Variants in CACNA1E observed in about 807,000 individuals in gnomAD.
CACNA1E encodes the protein voltage-dependent R-type calcium channel subunit alpha-1E.
A neutral mutation model predicts 259.2 loss-of-function variants in CACNA1E; 40 were observed. That is an observed-to-expected ratio of 0.15 (90% CI 0.12 to 0.20). The LOEUF (loss-of-function observed/expected upper bound fraction) is 0.20, where lower values mean the gene tolerates loss of function less well. Among genes scored for constraint, CACNA1E ranks in the 10% least tolerant of loss-of-function variants. The probability of loss-of-function intolerance (pLI) is 1.00; values close to 1 mark genes in which losing one functional copy is unlikely to be tolerated. For synonymous variants in CACNA1E, 1,104 were observed against 1,138.5 expected, an observed-to-expected ratio of 0.97 and a Z score of 0.61; for missense variants, 1,874 against 3,040.1, an observed-to-expected ratio of 0.62 and a Z score of 9.02.
intron 7 of CACNA1E, among the ~76,000 whole-genome samples, chr1:181,703,276 A>G (rs1652456510): frequency 6.6e-6 from 1 of 152,204 alleles, no homozygotes; most frequent in African/African-American, 2.4e-5. Context: ...AGCACCTACT[A>G]TACCTTGCAC....
At chr1:181,630,857 C>G (rs1350113874) in intron 6 of CACNA1E, among the ~76,000 whole-genome samples, 2 of 152,158 alleles carry the variant, frequency 1.3e-5, no homozygotes, top group Non-Finnish European at 1.5e-5. Flanking sequence ...CAGAGTAAGT[C>G]TATTCTCAGC....
intron 3 of CACNA1E, among the ~76,000 whole-genome samples, chr1:181,512,178 T>A (rs1267927438): frequency 6.6e-6 from 1 of 152,232 alleles, no homozygotes; most frequent in Non-Finnish European, 1.5e-5. Context: ...TGGAAATGAA[T>A]ATAGTATGAG....
intron 21 of CACNA1E, among the ~76,000 whole-genome samples, chr1:181,735,411 C>T (rs929773555): frequency 6.6e-6 from 1 of 152,218 alleles, no homozygotes; most frequent in Admixed American, 6.5e-5. Context: ...GGGCCAGGAC[C>T]ACCGAGGTCC....
At chr1:181,565,249 T>C (rs1420067593) in intron 3 of CACNA1E, among the ~76,000 whole-genome samples, 2 of 152,190 alleles carry the variant, frequency 1.3e-5, no homozygotes, top group African/African-American at 2.4e-5. Context: ...TTGGACTAGT[T>C]TGAGCAAGGA....
chr1:181,608,434 C>T (rs1251856997), intron 6 of CACNA1E, among the ~76,000 whole-genome samples: 1 of 152,120 alleles, frequency 6.6e-6, no homozygotes, highest in African/African-American at 2.4e-5. Context: ...GAAGACTGGG[C>T]TTTATCCTGC....
At chr1:181,559,390 T>C (rs576561917) in intron 3 of CACNA1E, among the ~76,000 whole-genome samples, 1 of 152,276 alleles carries the variant, frequency 6.6e-6, no homozygotes, top group African/African-American at 2.4e-5. Context: ...CTGGGAGTCA[T>C]TTGCATCCAA....
chr1:181,677,634 C>T (rs911110283), intron 7 of CACNA1E, among the ~76,000 whole-genome samples: 2 of 152,154 alleles, frequency 1.3e-5, no homozygotes, highest in African/African-American at 4.8e-5. Flanking sequence ...GGCTTATTTC[C>T]TCCCACAGAA....
At chr1:181,660,799 G>C (rs1458729984) in intron 7 of CACNA1E, among the ~76,000 whole-genome samples, 1 of 152,198 alleles carries the variant, frequency 6.6e-6, no homozygotes, top group Non-Finnish European at 1.5e-5. Context: ...CATTGAAGGT[G>C]ACTGGCTAAC....
At chr1:181,480,103 C>T (rs914122150), upstream of CACNA1E, among the ~76,000 whole-genome samples, 2 of 151,974 alleles carry the variant, frequency 1.3e-5, no homozygotes, top group Non-Finnish European at 2.9e-5. Flanking sequence ...ATAGTGAGAC[C>T]GTCGTCTCTA....
intron 25 of CACNA1E, among the ~76,000 whole-genome samples, chr1:181,747,146 A>G (rs1657163888): frequency 7.7e-6 from 1 of 129,996 alleles, no homozygotes; most frequent in Admixed American, 7.6e-5. Context: ...CCATTCCCTG[A>G]GGCAAGAGAT....
chr1:181,364,189 A>T (rs1654095166), intron 1 of CACNA1E, among the ~76,000 whole-genome samples: 1 of 152,126 alleles, frequency 6.6e-6, no homozygotes, highest in Non-Finnish European at 1.5e-5. Context: ...TCACTTTTGC[A>T]TCAAAGCCTT....
At chr1:181,392,532 T>C (rs989720226) in intron 1 of CACNA1E, among the ~76,000 whole-genome samples, 1 of 152,218 alleles carries the variant, frequency 6.6e-6, no homozygotes, top group Admixed American at 6.5e-5. Context: ...TAAGTCTTTG[T>C]ATTCACCAGA....
chr1:181,341,106 G>T (rs568193568), intron 1 of CACNA1E, among the ~76,000 whole-genome samples: 1 of 152,254 alleles, frequency 6.6e-6, no homozygotes, highest in Non-Finnish European at 1.5e-5. Flanking sequence ...CCCGCGTCCT[G>T]ATGGTGGTCC....
intron 35 of CACNA1E, among the ~76,000 whole-genome samples, chr1:181,766,966 C>A (rs1659074288): frequency 6.6e-6 from 1 of 152,206 alleles, no homozygotes; most frequent in African/African-American, 2.4e-5. Context: ...GGATCTATTT[C>A]TCAGGATCTC....
rs1662022369 is a variant in CACNA1E, at chr1:181,798,554, A to G, written c.6662A>G (p.His2221Arg). Residue 2221 changes from histidine (H) to arginine (R), a missense_variant, in exon 48 of 48, where the codon CAT becomes CGT. Around this residue, in one of 14 missense-constraint regions of CACNA1E, gnomAD observed 542 missense variants for 587.2 expected, o/e 0.92. Transcript: ENST00000367573. The surrounding 1 kb of genome is among the most constrained non-coding windows in gnomAD (Gnocchi z 4.2). ...TCTCCGCACCCCCAGCAGAGCCAAC[A>G]TGCCTCCCCACAGCGCTACATCTCC... ...SNSPHPQQSQ[H>R]ASPQRYISEP... 2 of 1,613,704 alleles carry G rather than the reference A, an allele frequency of 1.2e-6. No individual in the cohort carries two copies. The highest frequency in any genetic ancestry group is 1.7e-6 in the Non-Finnish European group (2 of 1,179,842).
intron 13 of CACNA1E, 92 bp downstream of exon 13, chr1:181,719,955 T>A: frequency 1.5e-5 from 12 of 817,344 alleles, no homozygotes; most frequent in Non-Finnish European, 1.9e-5. Flanking sequence ...CTTTCCCCCT[T>A]AGGGGGAAAG....
chr1:181,663,273 C>T (rs1167061558), intron 7 of CACNA1E, among the ~76,000 whole-genome samples: 1 of 152,130 alleles, frequency 6.6e-6, no homozygotes, highest in Non-Finnish European at 1.5e-5. Flanking sequence ...CCTTATGAGG[C>T]AGGTACTGCT....
At chr1:181,398,421 C>T (rs999250764) in intron 1 of CACNA1E, among the ~76,000 whole-genome samples, 10 of 152,122 alleles carry the variant, frequency 6.6e-5, no homozygotes, top group African/African-American at 2.4e-4. Context: ...TTTATTTAAC[C>T]CTCATAATAA....
intron 1 of CACNA1E, among the ~76,000 whole-genome samples, chr1:181,490,948 C>T (rs112847018): frequency 1.3e-5 from 2 of 152,172 alleles, no homozygotes; most frequent in African/African-American, 2.4e-5. Flanking sequence ...GGATCCAGAG[C>T]GGAGGCTCTG....
Sources: allele counts gnomAD v4.1 joint callset (sites outside exome capture counted in the v4.1 genomes callset), GRCh38; gene constraint gnomAD v4.1.1; regional missense constraint gnomAD v4.1.1; non-coding constraint Gnocchi (gnomAD v3.1); transcripts MANE v1.5; gene names NCBI Gene and HGNC (gene_info 2026-07-23, HGNC 2026-07-21).